Variants in NAV2 observed in about 807,000 individuals in gnomAD.
NAV2 encodes neuron navigator 2.
A neutral mutation model predicts 223.2 loss-of-function variants in NAV2; 54 were observed. The ratio of observed to expected loss-of-function variants is 0.24; its 90% CI spans 0.19 to 0.30. The LOEUF (loss-of-function observed/expected upper bound fraction) is 0.30. Ranked by LOEUF, NAV2 falls within the 10% of genes least tolerant of loss-of-function variation. NAV2 has a pLI of 1.00. For missense variants in NAV2, 2,806 were observed against 3,147.5 expected, an observed-to-expected ratio of 0.89 and a Z score of 2.60; for synonymous variants, 1,279 against 1,239.3, an observed-to-expected ratio of 1.03 and a Z score of -0.67.
intron 6 of NAV2, among the ~76,000 whole-genome samples, chr11:19,899,391 C>T (rs2042260177): frequency 2.0e-5 from 3 of 152,280 alleles, no homozygotes; most frequent in Admixed American, 2.0e-4. Flanking sequence ...AAGTTGCCCA[C>T]GTCCTGCTAT....
chr11:19,474,469 A>G (rs2042058101), intron 1 of NAV2, among the ~76,000 whole-genome samples: 1 of 152,250 alleles, frequency 6.6e-6, no homozygotes, highest in Non-Finnish European at 1.5e-5. Flanking sequence ...ACGTATGTGT[A>G]GCCATAGAAA....
At chr11:19,816,565 T>G (rs116908930) in intron 1 of NAV2, among the ~76,000 whole-genome samples, 2,635 of 152,296 alleles carry the variant, frequency 0.017, 33 homozygotes, top group Middle Eastern at 0.054. Context: ...GTAGATGCTA[T>G]TATGATCTCC....
At chr11:19,777,274 C>A (rs1590443635) in intron 1 of NAV2, among the ~76,000 whole-genome samples, 2 of 151,594 alleles carry the variant, frequency 1.3e-5, no homozygotes, top group Admixed American at 6.6e-5. Flanking sequence ...GTAGGGTCCC[C>A]GCGCGCAGCA....
At chr11:20,060,278 C>T (rs1027925750) in intron 19 of NAV2, among the ~76,000 whole-genome samples, 1 of 152,276 alleles carries the variant, frequency 6.6e-6, no homozygotes, top group African/African-American at 2.4e-5. Flanking sequence ...CTATGTGTTA[C>T]ACACATCTCT....
At chr11:20,090,793 A>G (rs988467963) in intron 26 of NAV2, 72 bp from the exon 27 acceptor site, 5 of 1,505,034 alleles carry the variant, frequency 3.3e-6, no homozygotes, top group Non-Finnish European at 4.5e-6. Context: ...AAACCTGATG[A>G]TTGATGTGGA....
At chr11:19,424,038 A>G (rs1472818055) in intron 1 of NAV2, among the ~76,000 whole-genome samples, 1 of 152,208 alleles carries the variant, frequency 6.6e-6, no homozygotes, top group African/African-American at 2.4e-5. Flanking sequence ...GTGAACTGAA[A>G]TGGAGTTGTA....
intron 1 of NAV2, among the ~76,000 whole-genome samples, chr11:19,703,866 T>A (rs1444316571): frequency 1.3e-5 from 2 of 152,186 alleles, no homozygotes. Context: ...TGGTCCAGGG[T>A]GGGACCAGGA....
At chr11:19,595,822 A>G (rs1214233763) in intron 1 of NAV2, among the ~76,000 whole-genome samples, 2 of 149,182 alleles carry the variant, frequency 1.3e-5, no homozygotes, top group African/African-American at 5.2e-5. Flanking sequence ...TTGGTCTCCC[A>G]AAGTGCTGGG....
At chr11:19,462,523 A>G (rs776435475) in intron 1 of NAV2, among the ~76,000 whole-genome samples, 3 of 152,250 alleles carry the variant, frequency 2.0e-5, no homozygotes, top group Admixed American at 6.5e-5. Context: ...GCTATCTTCA[A>G]TGAGTGAATC....
intron 1 of NAV2, among the ~76,000 whole-genome samples, chr11:19,700,447 AG>A: frequency 6.6e-6 from 1 of 152,310 alleles, no homozygotes; most frequent in East Asian, 1.9e-4. Flanking sequence ...AGCAGAGGTA[AG>A]AAACTGAGGC....
intron 22 of NAV2, among the ~76,000 whole-genome samples, chr11:20,072,597 C>A (rs1420423015): frequency 6.6e-6 from 1 of 152,140 alleles, no homozygotes; most frequent in East Asian, 1.9e-4. Context: ...TGTTTATGTC[C>A]TCTCTTATTT....
rs952910277 is a variant in NAV2 at position 19,531,570 on chromosome 11, T to C, written c.75+180543T>C. The stretch of plus-strand genomic sequence containing the variant: ...ATTACAAGAGAAAGAAAGGAGTCTA[T>C]GGTAACTCCAAGATTTTGGCCTGAA... On this transcript the variant is annotated intron_variant, in intron 1 of 37. Coordinates refer to the NAV2 transcript ENST00000360655. 2.6e-5 allele frequency among the ~76,000 whole-genome samples: 4 copies of C among 152,340 alleles called. No individual in the cohort carries two copies. In the East Asian group the frequency reaches 7.7e-4, roughly 29 times the overall value.
intron 1 of NAV2, among the ~76,000 whole-genome samples, chr11:19,745,458 T>G (rs1231426251): frequency 3.3e-5 from 5 of 152,068 alleles, no homozygotes; most frequent in Non-Finnish European, 7.4e-5. Context: ...CTCGATTTTG[T>G]CCCCAGAGTA....
rs112994158 is a variant in NAV2 at position 19,398,566 on chromosome 11, G to T, written c.75+47539G>T. On this transcript the variant is annotated intron_variant, in intron 1 of 37. Transcript: ENST00000360655. ...ATCAGCCCCGCTTACACTCTGGCTT[G>T]TTGGTCCGCCAAGCCCCTGCTATGT... 9.6e-3 allele frequency among the ~76,000 whole-genome samples: 1,465 copies of T among 152,076 alleles called. 26 individuals are homozygous for T. Among genetic ancestry groups the T allele is most frequent in the African/African-American group, 0.032 (1,346 of 41,482 alleles).
At chr11:19,457,890 T>G (rs372221618) in intron 1 of NAV2, among the ~76,000 whole-genome samples, 1 of 151,974 alleles carries the variant, frequency 6.6e-6, no homozygotes, top group East Asian at 1.9e-4. Flanking sequence ...TACAAAGAAT[T>G]GAAGAGAATG....
intron 1 of NAV2, among the ~76,000 whole-genome samples, chr11:19,538,431 C>T (rs183575254): frequency 4.5e-4 from 68 of 152,224 alleles, no homozygotes; most frequent in Non-Finnish European, 7.2e-4. Context: ...GCCTGGACCT[C>T]GTAGGTTCAC....
chr11:19,418,366 G>A (rs1850467599), intron 1 of NAV2, among the ~76,000 whole-genome samples: 1 of 152,226 alleles, frequency 6.6e-6, no homozygotes, highest in South Asian at 2.1e-4. Context: ...TACTAAATGG[G>A]ATGAGCATTT....
At chr11:19,531,910 C>T (rs1462251906) in intron 1 of NAV2, among the ~76,000 whole-genome samples, 1 of 152,052 alleles carries the variant, frequency 6.6e-6, no homozygotes. Flanking sequence ...GGTTTAGAGT[C>T]AATGGGATTT....
Position 20,105,612 on chromosome 11 carries a change from G to A in NAV2, c.6726G>A (p.Glu2242=), listed in dbSNP as rs1443447987. The A allele has an allele frequency of 6.2e-7, 1 of 1,614,026 alleles. No individual in the cohort carries two copies. Among genetic ancestry groups the A allele is most frequent in the Non-Finnish European group, 8.5e-7 (1 of 1,180,030 alleles). The change falls in exon 35 of 38, where the codon GAG becomes GAA. Residue 2242 remains glutamate, a synonymous_variant. Transcript: ENST00000349880. ...RFLRRKLMET[E]ISGRVRNMEL... is the part of the protein sequence containing the mutation. ...TGAGGAGGAAGCTCATGGAAACAGA[G>A]ATCAGTGGGCGGGTGCGCAATATGG...
Sources: gnomAD v4.1 joint callset for allele counts (sites outside exome capture counted in the v4.1 genomes callset) on GRCh38, gnomAD v4.1.1 for gene constraint, MANE v1.5 for transcripts, NCBI Gene and HGNC (gene_info 2026-07-23, HGNC 2026-07-21) for gene names.